Variants in KCNT2 observed in about 807,000 individuals in gnomAD.
KCNT2 encodes potassium sodium-activated channel subfamily T member 2.
Under a neutral mutation model 153.8 loss-of-function variants are expected in KCNT2, and 67 were observed. The ratio of observed to expected loss-of-function variants is 0.44; its 90% CI spans 0.36 to 0.53. The LOEUF is 0.53. KCNT2 is among the 20% of genes least tolerant of loss of function. The pLI is 0.00. For synonymous variants in KCNT2, 500 were observed against 458.8 expected, an observed-to-expected ratio of 1.09 and a Z score of -1.15; for missense variants, 975 against 1,354.8, an observed-to-expected ratio of 0.72 and a Z score of 4.40.
intron 14 of KCNT2, among the ~76,000 whole-genome samples, chr1:196,363,776 A>C (rs920145103): frequency 2.0e-5 from 3 of 152,148 alleles, no homozygotes; most frequent in African/African-American, 7.2e-5. Context: ...TAAATTACTC[A>C]GTCTCAGGTA....
chr1:196,353,543 G>T (rs900423971), intron 14 of KCNT2, among the ~76,000 whole-genome samples: 3 of 151,824 alleles, frequency 2.0e-5, no homozygotes, highest in Non-Finnish European at 4.4e-5. Flanking sequence ...TCTGTTTATT[G>T]TTTCCAAGGT....
chr1:196,600,064 A>C (rs547481641), intron 1 of KCNT2, among the ~76,000 whole-genome samples: 1 of 152,262 alleles, frequency 6.6e-6, no homozygotes, highest in South Asian at 2.1e-4. Flanking sequence ...TACATGTAAG[A>C]CTTTATGTAT....
chr1:196,362,111 CT>C (rs1031321872), intron 14 of KCNT2, among the ~76,000 whole-genome samples: 12 of 152,048 alleles, frequency 7.9e-5, no homozygotes, highest in Non-Finnish European at 1.8e-4. Context: ...TGCTCCCCCA[CT>C]TTTTTTGTTT....
At chr1:196,325,937 C>T (rs894450689) in intron 19 of KCNT2, among the ~76,000 whole-genome samples, 9 of 152,014 alleles carry the variant, frequency 5.9e-5, no homozygotes, top group African/African-American at 1.4e-4. Context: ...GACAAGGCAA[C>T]GGAATTTGGC....
At chr1:196,362,884 C>G (rs986809327) in intron 14 of KCNT2, among the ~76,000 whole-genome samples, 1 of 152,020 alleles carries the variant, frequency 6.6e-6, no homozygotes, top group Non-Finnish European at 1.5e-5. Flanking sequence ...TTGTGGTTAT[C>G]TTGATCCCTT....
intron 14 of KCNT2, among the ~76,000 whole-genome samples, chr1:196,361,381 A>G (rs1392334030): frequency 1.3e-5 from 2 of 152,040 alleles, no homozygotes; most frequent in Non-Finnish European, 2.9e-5. Flanking sequence ...GAATGATGCA[A>G]TTAGACAGCC....
intron 8 of KCNT2, among the ~76,000 whole-genome samples, chr1:196,453,014 T>G (rs1033214092): frequency 6.6e-6 from 1 of 151,998 alleles, no homozygotes; most frequent in African/African-American, 2.4e-5. Context: ...GACATAAAAC[T>G]AATGATCACA....
At chr1:196,247,271 CCA>C (rs1202290253) in intron 26 of KCNT2, among the ~76,000 whole-genome samples, 7 of 151,702 alleles carry the variant, frequency 4.6e-5, no homozygotes, top group African/African-American at 1.7e-4. Context: ...ATTGGAATAC[CCA>C]GATATACAAA....
intron 8 of KCNT2, among the ~76,000 whole-genome samples, chr1:196,459,162 T>G (rs1229889775): frequency 2.0e-5 from 3 of 151,888 alleles, no homozygotes; most frequent in Non-Finnish European, 2.9e-5. Context: ...AAAAGAAATG[T>G]CTCACTCTCT....
intron 1 of KCNT2, among the ~76,000 whole-genome samples, chr1:196,514,024 A>G (rs1681852036): frequency 6.6e-6 from 1 of 152,194 alleles, no homozygotes; most frequent in Non-Finnish European, 1.5e-5. Context: ...CATCATTAAT[A>G]ACATCTAAAT....
intron 21 of KCNT2, among the ~76,000 whole-genome samples, chr1:196,309,068 G>T (rs1056081892): frequency 1.3e-5 from 2 of 151,774 alleles, no homozygotes; most frequent in Non-Finnish European, 2.9e-5. Context: ...TTTTCTAGGG[G>T]TGATACATTT....
chr1:196,309,782 A>T (rs1661986493), intron 21 of KCNT2, among the ~76,000 whole-genome samples: 2 of 151,888 alleles, frequency 1.3e-5, no homozygotes, highest in Non-Finnish European at 2.9e-5. Flanking sequence ...TATAAGCTAA[A>T]CACATTTTGC....
At chr1:196,335,375 C>T (rs140510841) in intron 16 of KCNT2, among the ~76,000 whole-genome samples, 40 of 152,182 alleles carry the variant, frequency 2.6e-4, no homozygotes, top group African/African-American at 9.4e-4. Context: ...ATGGTATAGC[C>T]TACTGCTATA....
chr1:196,437,976 T>A (rs971185249), intron 8 of KCNT2, among the ~76,000 whole-genome samples: 3 of 151,444 alleles, frequency 2.0e-5, no homozygotes, highest in African/African-American at 7.3e-5. Flanking sequence ...ATATCATAAA[T>A]TAATAAATAT....
intron 25 of KCNT2, among the ~76,000 whole-genome samples, chr1:196,275,141 A>G (rs1571874209): frequency 6.6e-6 from 1 of 151,984 alleles, no homozygotes; most frequent in Non-Finnish European, 1.5e-5. Flanking sequence ...GACATTTTAT[A>G]CTTTTATATT....
chr1:196,403,427 A>G (rs947774954), intron 12 of KCNT2, among the ~76,000 whole-genome samples: 1 of 151,688 alleles, frequency 6.6e-6, no homozygotes, highest in African/African-American at 2.4e-5. Context: ...TAGGTAGAGC[A>G]GATAATATTT....
Position 196,228,052 on chromosome 1 carries a change from C to T in KCNT2, c.*172G>A. On this transcript the variant is annotated 3_prime_UTR_variant, in exon 28 of 28. Coordinates refer to ENST00000294725, the MANE Select transcript of KCNT2 (RefSeq NM_198503.5). ...CCTTCAAATATTAATAGGGAGAGTA[C>T]CAGTAAGTAGTACATTAAGTTTCAA... 4.0e-6 allele frequency: 2 copies of T among 497,036 alleles called. No individual in the cohort carries two copies. The highest frequency in any genetic ancestry group is 7.1e-6 in the Non-Finnish European group (2 of 280,562). 30.8% of individuals were successfully genotyped at this position (497,036 alleles called of 1,614,324 possible).
intron 14 of KCNT2, among the ~76,000 whole-genome samples, chr1:196,360,642 G>A (rs923937263): frequency 6.6e-5 from 10 of 151,502 alleles, no homozygotes; most frequent in African/African-American, 2.0e-4. Flanking sequence ...CGAAGAAGAG[G>A]AAATTTGAAC....
chr1:196,470,266 G>A (rs1677974120), intron 5 of KCNT2, among the ~76,000 whole-genome samples: 2 of 152,156 alleles, frequency 1.3e-5, no homozygotes, highest in South Asian at 2.1e-4. Context: ...CTCCAACATG[G>A]AGACTGCATT....
Sources: gnomAD v4.1 joint callset for allele counts (sites outside exome capture counted in the v4.1 genomes callset) on GRCh38, gnomAD v4.1.1 for gene constraint, MANE v1.5 for transcripts, NCBI Gene and HGNC (gene_info 2026-07-23, HGNC 2026-07-21) for gene names.